LMO1: variants seen among roughly 807,000 people sequenced by gnomAD.
LMO1 encodes the protein rhombotin-1.
In LMO1, 10 loss-of-function variants were observed where a neutral mutation model predicts 18.0. The observed-to-expected ratio is 0.55, with a 90% CI of 0.34 to 0.94. LMO1 has a LOEUF of 0.94. LMO1 is among the 40% of genes least tolerant of loss of function. LMO1 has a pLI of 0.02. For missense variants in LMO1, 183 were observed against 205.7 expected, an observed-to-expected ratio of 0.89 and a Z score of 0.68; for synonymous variants, 77 against 77.9, an observed-to-expected ratio of 0.99 and a Z score of 0.06.
At chr11:8,267,243 T>C (rs546958355), upstream of LMO1, among the ~76,000 whole-genome samples, 44 of 152,342 alleles carry the variant, frequency 2.9e-4, no homozygotes, top group African/African-American at 1.1e-3. Context: ...ACTGACCAAC[T>C]GTCCAAGTTT....
At chr11:8,264,382 G>T (rs1469299128), upstream of LMO1, among the ~76,000 whole-genome samples, 1 of 152,112 alleles carries the variant, frequency 6.6e-6, no homozygotes, top group Non-Finnish European at 1.5e-5. Context: ...TATTTACTGA[G>T]CATGTATTAT....
At chr11:8,233,918 T>C (rs941131308) in intron 1 of LMO1, among the ~76,000 whole-genome samples, 1 of 152,130 alleles carries the variant, frequency 6.6e-6, no homozygotes, top group South Asian at 2.1e-4. Context: ...TAGAAAAAAA[T>C]GGCTTTGCGC....
intron 1 of LMO1, among the ~76,000 whole-genome samples, chr11:8,233,615 C>G (rs1349039529): frequency 6.6e-6 from 1 of 152,098 alleles, no homozygotes; most frequent in African/African-American, 2.4e-5. Flanking sequence ...AGGAGGGGCT[C>G]TGTAGTCTCC....
intron 1 of LMO1, among the ~76,000 whole-genome samples, chr11:8,246,417 T>C (rs920959332): frequency 6.6e-6 from 1 of 152,174 alleles, no homozygotes; most frequent in East Asian, 1.9e-4. Flanking sequence ...GCAAACATTA[T>C]GCCAAGAAAG....
chr11:8,247,728 A>G (rs1050593282), intron 1 of LMO1, among the ~76,000 whole-genome samples: 1 of 152,238 alleles, frequency 6.6e-6, no homozygotes, highest in African/African-American at 2.4e-5. Context: ...TCATTAGGTC[A>G]GTTCCCTGAG....
At chr11:8,251,049 G>C (rs1466002369) in intron 1 of LMO1, among the ~76,000 whole-genome samples, 2 of 152,194 alleles carry the variant, frequency 1.3e-5, no homozygotes, top group Non-Finnish European at 2.9e-5. Flanking sequence ...CTGGGAAACT[G>C]TGTGTCCCAA....
intron 2 of LMO1, among the ~76,000 whole-genome samples, chr11:8,229,097 G>A (rs1952603159): frequency 6.6e-6 from 1 of 151,794 alleles, no homozygotes; most frequent in African/African-American, 2.4e-5. Context: ...ATGTTGCCCA[G>A]GGTTGGTCTC....
chr11:8,240,001 A>C (rs1846757318), intron 1 of LMO1, among the ~76,000 whole-genome samples: 1 of 152,198 alleles, frequency 6.6e-6, no homozygotes, highest in Non-Finnish European at 1.5e-5. Flanking sequence ...CCAGTGGCCA[A>C]AGCGAGGCTG....
At chr11:8,229,453 C>T (rs989986151) in intron 2 of LMO1, among the ~76,000 whole-genome samples, 1 of 152,226 alleles carries the variant, frequency 6.6e-6, no homozygotes, top group Non-Finnish European at 1.5e-5. Context: ...GCCCTCCTTC[C>T]CCACAAGCCC....
In LMO1 at chr11:8,230,288, C is replaced by T. The variant is rs372702181; in HGVS notation, c.239+3G>A. 74 of 1,613,002 alleles carry T rather than the reference C, an allele frequency of 4.6e-5. No individual in the cohort carries two copies. The highest frequency in any genetic ancestry group is 6.0e-5 in the Non-Finnish European group (71 of 1,179,754). ...CTTGGGAGGCCAGGGTTTGGCAGCC[C>T]ACCTCAGGTAGTCGCGTCGGCACAG... is the stretch of plus-strand genomic sequence containing the variant. On this transcript the variant is annotated splice_donor_region_variant and intron_variant, in intron 2 of 3. Transcript: ENST00000335790.
At chr11:8,255,871 G>C (rs1847087534) in intron 1 of LMO1, among the ~76,000 whole-genome samples, 1 of 122,214 alleles carries the variant, frequency 8.2e-6, no homozygotes, top group African/African-American at 3.1e-5. Flanking sequence ...TGTCGCCCAG[G>C]CTGGAGTGCA....
chr11:8,229,412 C>T (rs1369510482), intron 2 of LMO1, among the ~76,000 whole-genome samples: 1 of 152,180 alleles, frequency 6.6e-6, no homozygotes, highest in Non-Finnish European at 1.5e-5. Flanking sequence ...CCCATGAAGC[C>T]CTTGCCCCGA....
chr11:8,242,193 A>C (rs1846806483), intron 1 of LMO1, among the ~76,000 whole-genome samples: 1 of 152,226 alleles, frequency 6.6e-6, no homozygotes, highest in African/African-American at 2.4e-5. Flanking sequence ...CCAGGGCTCC[A>C]GCTGAGGAAC....
At chr11:8,229,713 T>C (rs928300164) in intron 2 of LMO1, among the ~76,000 whole-genome samples, 1 of 152,182 alleles carries the variant, frequency 6.6e-6, no homozygotes. Flanking sequence ...TGGGAGAAGA[T>C]TAGGAGCCAA....
intron 2 of LMO1, among the ~76,000 whole-genome samples, chr11:8,229,114 C>G (rs1952603487): frequency 6.6e-6 from 1 of 152,044 alleles, no homozygotes; most frequent in East Asian, 1.9e-4. Flanking sequence ...TCTCGAACTC[C>G]TGAGCTGGAG....
intron 1 of LMO1, among the ~76,000 whole-genome samples, chr11:8,240,513 T>C (rs1326653455): frequency 6.6e-6 from 1 of 152,130 alleles, no homozygotes; most frequent in Non-Finnish European, 1.5e-5. Flanking sequence ...ATATAAACAA[T>C]TGAAATTTAT....
At chr11:8,264,387 T>A (rs574678231), upstream of LMO1, among the ~76,000 whole-genome samples, 1 of 152,246 alleles carries the variant, frequency 6.6e-6, no homozygotes, top group East Asian at 1.9e-4. Context: ...ACTGAGCATG[T>A]ATTATGTGCC....
intron 3 of LMO1, among the ~76,000 whole-genome samples, chr11:8,225,764 C>T (rs1285647295): frequency 6.6e-6 from 1 of 152,218 alleles, no homozygotes; most frequent in Admixed American, 6.5e-5. Context: ...CCAGGTGGCG[C>T]TGTAAGTTCA....
At chr11:8,241,835 A>C (rs772703248) in intron 1 of LMO1, among the ~76,000 whole-genome samples, 5 of 152,076 alleles carry the variant, frequency 3.3e-5, no homozygotes, top group Non-Finnish European at 7.4e-5. Context: ...TACTCTCATA[A>C]GAACAAAAGC....
Sources: allele counts gnomAD v4.1 joint callset (sites outside exome capture counted in the v4.1 genomes callset), GRCh38; gene constraint gnomAD v4.1.1; transcripts MANE v1.5; gene names NCBI Gene and HGNC (gene_info 2026-07-23, HGNC 2026-07-21).